HACD3: variants seen among roughly 807,000 people sequenced by gnomAD.
HACD3 encodes the protein 3-hydroxyacyl-CoA dehydratase 3.
A neutral mutation model predicts 55.2 loss-of-function variants in HACD3; 30 were observed. The observed-to-expected ratio is 0.54, with a 90% CI of 0.41 to 0.74. The LOEUF (loss-of-function observed/expected upper bound fraction) is 0.74, where lower values mean the gene tolerates loss of function less well. HACD3 is among the 30% of genes least tolerant of loss of function. HACD3 has a pLI of 0.00. For synonymous variants in HACD3, 141 were observed against 151.7 expected (o/e 0.93, Z 0.52); for missense variants, 363 against 440.1 (o/e 0.82, Z 1.57).
chr15:65,564,196 T>A lies in HACD3; in HGVS notation c.533-19T>A. On this transcript the variant is annotated intron_variant, in intron 6 of 10. Coordinates refer to ENST00000261875, the MANE Select transcript of HACD3 (RefSeq NM_016395.4). ...AATTTACCAACTGATTCACCCTTAA[T>A]GTATATTTTTGCCTATAGAGTCCTT... The A allele has an allele frequency of 6.2e-7, 1 of 1,610,066 alleles. No homozygotes were observed. Among genetic ancestry groups the A allele is most frequent in the Non-Finnish European group, 8.5e-7 (1 of 1,176,886 alleles).
intron 3 of HACD3, among the ~76,000 whole-genome samples, chr15:65,555,407 G>A (rs2141215627): frequency 6.6e-6 from 1 of 152,308 alleles, no homozygotes; most frequent in South Asian, 2.1e-4. Context: ...AAATCAGAAA[G>A]GGTGAAGGCA....
chr15:65,535,203 T>C (rs1045030232), intron 1 of HACD3, among the ~76,000 whole-genome samples: 7 of 152,110 alleles, frequency 4.6e-5, no homozygotes, highest in African/African-American at 1.7e-4. Flanking sequence ...AGGGGGAGAA[T>C]GTGTTAAGCA....
intron 4 of HACD3, among the ~76,000 whole-genome samples, chr15:65,557,170 T>C (rs963189200): frequency 3.9e-5 from 6 of 152,168 alleles, no homozygotes; most frequent in Non-Finnish European, 7.4e-5. Context: ...GCAATTCTTA[T>C]CACATCATAT....
intron 1 of HACD3, among the ~76,000 whole-genome samples, chr15:65,536,213 G>T (rs2071953559): frequency 6.6e-6 from 1 of 151,690 alleles, no homozygotes; most frequent in Non-Finnish European, 1.5e-5. Context: ...GACGAGGTTG[G>T]TCTCGAACTC....
At chr15:65,538,723 TTAGTG>T (rs1274911937) in intron 1 of HACD3, among the ~76,000 whole-genome samples, 1 of 152,180 alleles carries the variant, frequency 6.6e-6, no homozygotes, top group African/African-American at 2.4e-5. Flanking sequence ...AAAGAAATCT[TTAGTG>T]AAGGAAAGAC....
chr15:65,530,680 C>A lies in HACD3; in HGVS notation c.49C>A (p.Arg17Ser). 6.3e-7 allele frequency: 1 copy of A among 1,580,194 alleles called. No homozygotes were observed. Among genetic ancestry groups the A allele is most frequent in the Admixed American group, 1.8e-5 (1 of 55,172 alleles). Residue 17 changes from arginine (R) to serine (S), a missense_variant, in exon 1 of 11, where the codon CGC (arginine) becomes AGC (serine). Physicochemically the swap from Arg to Ser is moderately radical, Grantham distance 110. Coordinates refer to ENST00000261875, the MANE Select transcript of HACD3 (RefSeq NM_016395.4). ...TPHVYWAQRH[R>S]ELYLRVELSD... ...GCATGTCTACTGGGCTCAGCGACAC[C>A]GCGAGCTATATCTGCGCGTGGAGCT... is the stretch of plus-strand genomic sequence containing the variant.
rs1298676909 is a variant in HACD3 at position 65,577,884 on chromosome 15, T to TA, written c.*1511dup. Reference sequence around the variant, plus strand: ...AATTTAGACATACAGTTGGCCATTGTAAAAAACATCAGTTTCCTCTCATAC... The same window carrying TA: ...AATTTAGACATACAGTTGGCCATTGTAAAAAAACATCAGTTTCCTCTCATAC... On this transcript the variant is annotated 3_prime_UTR_variant, in exon 11 of 11. Coordinates refer to ENST00000261875, the MANE Select transcript of HACD3 (RefSeq NM_016395.4). 6.6e-6 allele frequency: 1 copy of TA among 152,600 alleles called. No homozygotes were observed. Among genetic ancestry groups the TA allele is most frequent in the African/African-American group, 2.4e-5 (1 of 41,448 alleles). The allele number at this position is 152,600 out of a possible 1,614,324, so 9.5% of individuals were successfully genotyped here.
At position 65,576,499 on chromosome 15, in the gene HACD3, A is replaced by G; in HGVS notation, c.*120A>G. On this transcript the variant is annotated 3_prime_UTR_variant, in exon 11 of 11. Transcript: ENST00000261875. ...AAATGATTAAATTCTCAGTGAGGCT[A>G]TCTTCCTTTTCCCCAGTAACATTCC... is the stretch of plus-strand genomic sequence containing the variant. 1 of 1,062,852 alleles carries G rather than the reference A, an allele frequency of 9.4e-7. No homozygotes were observed. Among genetic ancestry groups the G allele is most frequent in the South Asian group, 1.7e-5 (1 of 60,202 alleles). 65.8% of individuals were successfully genotyped at this position (1,062,852 alleles called of 1,614,324 possible).
chr15:65,553,177 G>A (rs1323874339), intron 2 of HACD3: 6 of 151,866 alleles, frequency 4.0e-5, no homozygotes, highest in Non-Finnish European at 8.8e-5. Context: ...ATGTGCTGCC[G>A]AAGTGAGCAC....
chr15:65,562,511 G>A (rs1015927044), intron 5 of HACD3, among the ~76,000 whole-genome samples: 5 of 151,946 alleles, frequency 3.3e-5, no homozygotes, highest in South Asian at 2.1e-4. Context: ...TTTTTTCTTG[G>A]GTTTGTTATG....
At chr15:65,568,427 T>G (rs2141223817) in intron 7 of HACD3, among the ~76,000 whole-genome samples, 1 of 151,294 alleles carries the variant, frequency 6.6e-6, no homozygotes, top group Admixed American at 6.6e-5. Flanking sequence ...GGTGTGACCT[T>G]GGCTCACTGC....
chr15:65,564,120 A>T, intron 6 of HACD3, 95 bp from the exon 7 acceptor site: 1 of 1,413,864 alleles, frequency 7.1e-7, no homozygotes, highest in Non-Finnish European at 9.9e-7. Flanking sequence ...TTCCTTTCTT[A>T]CAGTTATTTT....
intron 2 of HACD3, 83 bp downstream of exon 2, chr15:65,551,801 T>C: frequency 2.6e-6 from 4 of 1,511,734 alleles, no homozygotes; most frequent in Non-Finnish European, 3.7e-6. Context: ...AAAAATGTAT[T>C]TGTCTTACTT....
rs555276398 is a variant in HACD3, at chr15:65,558,191, A to T, written c.370-489A>T. Among the ~76,000 whole-genome samples, 235 of 152,324 alleles carry T rather than the reference A, an allele frequency of 1.5e-3. 2 individuals carry two copies. Among genetic ancestry groups the T allele is most frequent in the African/African-American group, 5.4e-3 (223 of 41,568 alleles). On this transcript the variant is annotated intron_variant, in intron 4 of 10. Coordinates refer to ENST00000261875, the MANE Select transcript of HACD3 (RefSeq NM_016395.4). ...TATATGTTTGGATAGTAACCCATGC[A>T]TACACATACACCTGTAAATATTTCT...
At chr15:65,555,401 C>G (rs2072179448) in intron 3 of HACD3, among the ~76,000 whole-genome samples, 1 of 152,130 alleles carries the variant, frequency 6.6e-6, no homozygotes, top group Non-Finnish European at 1.5e-5. Flanking sequence ...AAATAGAAAT[C>G]AGAAAGGGTG....
chr15:65,570,188 C>T lies in HACD3; in HGVS notation c.758C>T (p.Ala253Val), dbSNP rs768844460. 6 of 1,608,346 alleles carry T rather than the reference C, an allele frequency of 3.7e-6. No homozygotes were observed. In the South Asian group the frequency reaches 5.5e-5, roughly 15 times the overall value. ...VVFFVFYLWS[A>V]IEIFRYSFYM... ...TTCTTTGTGTTTTATTTGTGGAGTG[C>T]AATTGAAATTTTCAGGTGGGTAGAA... Residue 253 changes from alanine (A) to valine (V), a missense_variant, in exon 8 of 11, where the codon GCA (alanine) becomes GTA (valine). Physicochemically the swap from Ala to Val is moderately conservative, Grantham distance 64. Transcript: ENST00000261875.
intron 2 of HACD3, 110 bp downstream of exon 2, chr15:65,551,828 C>A: frequency 8.1e-7 from 1 of 1,239,440 alleles, no homozygotes; most frequent in Non-Finnish European, 1.2e-6. Context: ...TGCTGATGTT[C>A]ACGCCTCTGA....
chr15:65,574,919 T>C (rs1287330237), intron 10 of HACD3, among the ~76,000 whole-genome samples: 1 of 152,152 alleles, frequency 6.6e-6, no homozygotes, highest in Non-Finnish European at 1.5e-5. Flanking sequence ...GAGGAATAAA[T>C]ATTGGAAAGA....
At chr15:65,544,736 A>G (rs1020285387) in intron 1 of HACD3, among the ~76,000 whole-genome samples, 1 of 152,228 alleles carries the variant, frequency 6.6e-6, no homozygotes, top group Middle Eastern at 3.4e-3. Context: ...GAAAATTATA[A>G]TGTTGCCGGG....
Sources: allele counts gnomAD v4.1 joint callset (sites outside exome capture counted in the v4.1 genomes callset), GRCh38; gene constraint gnomAD v4.1.1; transcripts MANE v1.5; gene names NCBI Gene and HGNC (gene_info 2026-07-23, HGNC 2026-07-21).